The following ATP10B variants were observed in gnomAD, a reference collection of about 807,000 sequenced individuals.
ATP10B encodes ATPase phospholipid transporting 10B (putative).
ATP10B carries 122 observed loss-of-function variants against 141.2 expected under a neutral mutation model. That is an observed-to-expected ratio of 0.86 (90% CI 0.75 to 1.00). ATP10B has a LOEUF of 1.00. Ranked by LOEUF, ATP10B falls within the 50% of genes least tolerant of loss-of-function variation. The pLI is 0.00. For synonymous variants in ATP10B, 685 were observed against 692.0 expected, an observed-to-expected ratio of 0.99 and a Z score of 0.16; for missense variants, 1,876 against 1,825.3, an observed-to-expected ratio of 1.03 and a Z score of -0.51.
chr5:160,903,493 T>C, the ATP10B span, among the ~76,000 whole-genome samples: 1 of 152,194 alleles, frequency 6.6e-6, no homozygotes, highest in African/African-American at 2.4e-5. Flanking sequence ...CCACAGAGCA[T>C]TTACTCTGTA....
chr5:160,903,777 T>C, the ATP10B span, among the ~76,000 whole-genome samples: 152,186 of 152,316 alleles, frequency 1, 76,028 homozygotes, highest in Middle Eastern at 1. Context: ...CTGCCCTTCT[T>C]GTATTTTCCT....
chr5:160,919,223 C>CCAAAAAAAA, the ATP10B span, among the ~76,000 whole-genome samples: 1 of 26,964 alleles, frequency 3.7e-5, no homozygotes, highest in Non-Finnish European at 6.2e-5. Flanking sequence ...AACTCCGTCT[C>CCAAAAAAAA]AAAAAAAAAA....
chr5:160,755,660 A>G (rs1768476255), intron 2 of ATP10B, among the ~76,000 whole-genome samples: 1 of 148,642 alleles, frequency 6.7e-6, no homozygotes, highest in Non-Finnish European at 1.5e-5. Context: ...CTAAAAATAC[A>G]AAAAATTAGC....
chr5:160,823,952 A>G (rs1774376712), intron 1 of ATP10B, among the ~76,000 whole-genome samples: 1 of 152,222 alleles, frequency 6.6e-6, no homozygotes, highest in Admixed American at 6.5e-5. Flanking sequence ...TGTTTATGGT[A>G]TTTGGAAAAT....
At chr5:160,847,997 A>G (rs1475513651) in intron 1 of ATP10B, among the ~76,000 whole-genome samples, 1 of 152,180 alleles carries the variant, frequency 6.6e-6, no homozygotes, top group Non-Finnish European at 1.5e-5. Context: ...TCTATTTTCA[A>G]TATTATCCCT....
At chr5:160,812,889 T>A (rs1186525448) in intron 1 of ATP10B, among the ~76,000 whole-genome samples, 2 of 152,182 alleles carry the variant, frequency 1.3e-5, no homozygotes, top group Non-Finnish European at 1.5e-5. Context: ...CATATTAATA[T>A]TCAAGCACAA....
intron 3 of ATP10B, chr5:160,692,779 T>A (rs748754949): frequency 1.5e-4 from 23 of 152,324 alleles, no homozygotes; most frequent in Admixed American, 6.5e-4. Flanking sequence ...CACTTCTGCC[T>A]GTTCTAAAAC....
intron 2 of ATP10B, among the ~76,000 whole-genome samples, chr5:160,783,744 A>C (rs1770931879): frequency 2.0e-5 from 3 of 151,878 alleles, no homozygotes; most frequent in Non-Finnish European, 4.4e-5. Context: ...CTGTGGGTAG[A>C]TACCTAGTAG....
At chr5:160,636,415 G>T in intron 10 of ATP10B, 106 bp from the exon 11 acceptor site, 1 of 1,195,992 alleles carries the variant, frequency 8.4e-7, no homozygotes, top group Non-Finnish European at 1.2e-6. Flanking sequence ...GTGCTTTGGA[G>T]GACCCCTCCT....
the ATP10B span, among the ~76,000 whole-genome samples, chr5:160,924,458 C>T: frequency 6.6e-6 from 1 of 152,160 alleles, no homozygotes; most frequent in Non-Finnish European, 1.5e-5. Context: ...ATAGTAAATA[C>T]TCAATAAAAG....
chr5:160,688,695 CT>C, intron 4 of ATP10B, 64 bp downstream of exon 4: 1 of 875,656 alleles, frequency 1.1e-6, no homozygotes, highest in Non-Finnish European at 1.4e-6. Flanking sequence ...GAAAAGGTAC[CT>C]ATTCTTTAGG....
chr5:160,899,886 G>A, the ATP10B span, among the ~76,000 whole-genome samples: 1 of 152,140 alleles, frequency 6.6e-6, no homozygotes, highest in Non-Finnish European at 1.5e-5. Context: ...GTGTGAGACA[G>A]CTGCCGTCCA....
At chr5:160,688,176 G>T in intron 4 of ATP10B, 82 bp from the exon 5 acceptor site, 1 of 1,416,218 alleles carries the variant, frequency 7.1e-7, no homozygotes, top group East Asian at 2.4e-5. Flanking sequence ...ATCCATGCAG[G>T]GTAGACACTG....
chr5:160,789,742 G>A (rs967478975), intron 1 of ATP10B, among the ~76,000 whole-genome samples: 1 of 152,114 alleles, frequency 6.6e-6, no homozygotes, highest in Non-Finnish European at 1.5e-5. Flanking sequence ...GAACACATTG[G>A]CAGAATAGAT....
chr5:160,900,188 C>T, the ATP10B span, among the ~76,000 whole-genome samples: 44 of 152,160 alleles, frequency 2.9e-4, no homozygotes. Context: ...GAGTAGTTCT[C>T]CAGGTTATGG....
chr5:160,827,487 A>G (rs989805854), intron 1 of ATP10B, among the ~76,000 whole-genome samples: 1 of 152,186 alleles, frequency 6.6e-6, no homozygotes, highest in Non-Finnish European at 1.5e-5. Context: ...TCACTTGCCT[A>G]GTTTTTAATG....
chr5:160,787,602 A>G (rs1388291044), intron 1 of ATP10B, among the ~76,000 whole-genome samples: 2 of 151,990 alleles, frequency 1.3e-5, no homozygotes, highest in African/African-American at 4.8e-5. Flanking sequence ...AATAGGAATT[A>G]TTTATTTAAA....
chr5:160,759,192 A>T (rs529143792), intron 2 of ATP10B, among the ~76,000 whole-genome samples: 1 of 152,320 alleles, frequency 6.6e-6, no homozygotes, highest in African/African-American at 2.4e-5. Context: ...TTGCCTTATT[A>T]TCTGACTTGA....
At chr5:160,724,776 G>C (rs973399895) in intron 2 of ATP10B, among the ~76,000 whole-genome samples, 2 of 152,128 alleles carry the variant, frequency 1.3e-5, no homozygotes, top group Non-Finnish European at 2.9e-5. Flanking sequence ...CACCTCCTCT[G>C]TTTCTTGCTC....
Sources: allele counts gnomAD v4.1 joint callset (sites outside exome capture counted in the v4.1 genomes callset), GRCh38; gene constraint gnomAD v4.1.1; transcripts MANE v1.5; gene names NCBI Gene and HGNC (gene_info 2026-07-23, HGNC 2026-07-21).